PSMB2: variants seen among roughly 807,000 people sequenced by gnomAD.
PSMB2 encodes the protein proteasome subunit beta type-2.
PSMB2 carries 13 observed loss-of-function variants against 25.7 expected under a neutral mutation model. The observed-to-expected ratio is 0.51, with a 90% CI of 0.33 to 0.80. PSMB2 has a LOEUF of 0.80. Among genes scored for constraint, PSMB2 ranks in the 30% least tolerant of loss-of-function variants. The pLI is 0.02. For missense variants in PSMB2, 202 were observed against 259.0 expected (o/e 0.78, Z 1.51); for synonymous variants, 87 against 96.2 (o/e 0.90, Z 0.56).
Position 35,641,488 on chromosome 1 carries a change from C to T in PSMB2, c.-56G>A. 6.2e-7 allele frequency: 1 copy of T among 1,610,698 alleles called. No individual in the cohort carries two copies. The highest frequency in any genetic ancestry group is 8.5e-7 in the Non-Finnish European group (1 of 1,178,190). On this transcript the variant is annotated 5_prime_UTR_variant, in exon 1 of 6. Coordinates refer to ENST00000373237, the MANE Select transcript of PSMB2 (RefSeq NM_002794.5). ...ACACAGCACGAGACTCGCCCGCTTC[C>T]AGGTCTCACCGGTGAGACAGCACCT...
chr1:35,641,020 C>T (rs1443872859), intron 1 of PSMB2, among the ~76,000 whole-genome samples: 1 of 140,118 alleles, frequency 7.1e-6, no homozygotes, highest in East Asian at 2.0e-4. Flanking sequence ...GAGAAATCCA[C>T]ATCTCTACTA....
At chr1:35,625,960 CTGAG>C (rs961709314) in intron 3 of PSMB2, among the ~76,000 whole-genome samples, 2 of 151,860 alleles carry the variant, frequency 1.3e-5, no homozygotes, top group African/African-American at 4.8e-5. Context: ...CGTCAGCCTC[CTGAG>C]TAACTGGGAT....
intron 3 of PSMB2, among the ~76,000 whole-genome samples, chr1:35,628,595 AAATATATAT>A (rs1405754173): frequency 3.8e-3 from 46 of 12,060 alleles, no homozygotes; most frequent in South Asian, 0.019. Context: ...AAAAAAAAAA[AAATATATAT>A]ATATATATAT....
chr1:35,609,788 T>C (rs998769159), intron 3 of PSMB2, among the ~76,000 whole-genome samples: 9 of 152,174 alleles, frequency 5.9e-5, no homozygotes, highest in African/African-American at 2.2e-4. Flanking sequence ...AGAGTATAAT[T>C]GGGTTGTCTG....
At chr1:35,611,014 C>T (rs1014934742) in intron 3 of PSMB2, among the ~76,000 whole-genome samples, 18 of 152,220 alleles carry the variant, frequency 1.2e-4, no homozygotes, top group South Asian at 6.2e-4. Context: ...CCAGCTGCGC[C>T]ATTTACCATG....
At chr1:35,628,631 A>ATATATATATTTTTTTT (rs1202256440) in intron 3 of PSMB2, among the ~76,000 whole-genome samples, 1 of 38,088 alleles carries the variant, frequency 2.6e-5, no homozygotes, top group African/African-American at 1.3e-4. Flanking sequence ...ATATATATAT[A>ATATATATATTTTTTTT]TTTTTTTTTT....
At chr1:35,626,899 A>AT (rs896884857) in intron 3 of PSMB2, among the ~76,000 whole-genome samples, 73 of 148,836 alleles carry the variant, frequency 4.9e-4, no homozygotes, top group South Asian at 1.9e-3. Context: ...GAGGAACAGA[A>AT]TTTTTTTTTT....
chr1:35,638,982 G>C (rs191052456), intron 1 of PSMB2, among the ~76,000 whole-genome samples: 1 of 152,284 alleles, frequency 6.6e-6, no homozygotes, highest in East Asian at 1.9e-4. Flanking sequence ...GGCTGGGCAC[G>C]GTGGCTCACG....
chr1:35,636,232 A>T, intron 2 of PSMB2, 78 bp downstream of exon 2: 2 of 1,548,476 alleles, frequency 1.3e-6, no homozygotes, highest in Admixed American at 3.5e-5. Context: ...TCTGTTGTTT[A>T]AGCCACCCAG....
intron 5 of PSMB2, among the ~76,000 whole-genome samples, chr1:35,604,601 G>A (rs1650106227): frequency 2.6e-5 from 4 of 152,138 alleles, no homozygotes; most frequent in Non-Finnish European, 5.9e-5. Context: ...CCAACATGGT[G>A]AAACCCTGTC....
intron 3 of PSMB2, among the ~76,000 whole-genome samples, chr1:35,618,554 C>G (rs1650574028): frequency 6.6e-6 from 1 of 151,988 alleles, no homozygotes; most frequent in Non-Finnish European, 1.5e-5. Context: ...GGAGCAAATA[C>G]AGAAAAAACT....
At chr1:35,610,525 G>A (rs1304672673) in intron 3 of PSMB2, among the ~76,000 whole-genome samples, 1 of 152,078 alleles carries the variant, frequency 6.6e-6, no homozygotes, top group Non-Finnish European at 1.5e-5. Flanking sequence ...GACGGAGTCT[G>A]GCTCTTGTCC....
At position 35,636,491 on chromosome 1, in the gene PSMB2, T is replaced by G. The variant is rs1180116001; in HGVS notation, c.92-59A>C. The G allele has an allele frequency of 1.9e-6, 3 of 1,586,852 alleles. No homozygotes were observed. The African/African-American group carries it at 4.1e-5, about 22-fold the overall frequency. On this transcript the variant is annotated intron_variant, in intron 1 of 5. Coordinates refer to ENST00000373237, the MANE Select transcript of PSMB2 (RefSeq NM_002794.5). ...CTTAACAGACATTGACCGTCATTAT[T>G]TATGTAACCATAAACAGGTTTATTA...
intron 4 of PSMB2, 52 bp downstream of exon 4, chr1:35,609,193 CA>C (rs1650258361): frequency 7.1e-7 from 1 of 1,406,536 alleles, no homozygotes. Flanking sequence ...ACCTGGGAAG[CA>C]GCTGAGGGCA....
rs1387057634 is a variant in PSMB2 at position 35,602,840 on chromosome 1, G to A, written c.*427C>T. ...CTACATGTTTTTGTACTGTTTGCAT[G>A]TTACATTAAGTGCATGTATTATTAA... is the stretch of plus-strand genomic sequence containing the variant. On this transcript the variant is annotated 3_prime_UTR_variant, in exon 6 of 6. Coordinates refer to ENST00000373237, the MANE Select transcript of PSMB2 (RefSeq NM_002794.5). 1.2e-6 allele frequency: 1 copy of A among 847,620 alleles called. No individual in the cohort carries two copies. Among genetic ancestry groups the A allele is most frequent in the Non-Finnish European group, 1.4e-6 (1 of 701,932 alleles). 52.5% of individuals were successfully genotyped at this position (847,620 alleles called of 1,614,324 possible).
chr1:35,622,466 G>A (rs957856700), intron 3 of PSMB2, among the ~76,000 whole-genome samples: 5 of 152,096 alleles, frequency 3.3e-5, no homozygotes, highest in African/African-American at 1.2e-4. Flanking sequence ...ACCTTAATAG[G>A]AAATCACAAA....
chr1:35,623,472 A>G (rs1650754827), intron 3 of PSMB2, among the ~76,000 whole-genome samples: 1 of 152,174 alleles, frequency 6.6e-6, no homozygotes, highest in Admixed American at 6.5e-5. Flanking sequence ...TTCGTTTTTT[A>G]TTTTTGAATT....
rs771324906 is a variant in PSMB2, at chr1:35,600,614, C to A, written c.*2653G>T. The A allele has an allele frequency of 9.1e-6, 9 of 985,356 alleles. No individual in the cohort carries two copies. Among genetic ancestry groups the A allele is most frequent in the African/African-American group, 1.7e-5 (1 of 57,354 alleles). The allele number at this position is 985,356 out of a possible 1,614,324, so 61.0% of individuals were successfully genotyped here. A position where few individuals can be genotyped will look rare whatever the true frequency, so the allele number is the denominator to read the frequency against. On this transcript the variant is annotated 3_prime_UTR_variant, in exon 6 of 6. Coordinates refer to ENST00000373237, the MANE Select transcript of PSMB2 (RefSeq NM_002794.5). ...GTCATAGAGGCGGTTTGGAGAGGGG[C>A]AGATGGTAAGGCTCAGCTTTAGACA...
chr1:35,600,809 A>G lies in PSMB2; in HGVS notation c.*2458T>C. The G allele has an allele frequency of 2.0e-6, 2 of 985,460 alleles. No individual in the cohort carries two copies. The highest frequency in any genetic ancestry group is 2.4e-6 in the Non-Finnish European group (2 of 829,942). 61.0% of individuals were successfully genotyped at this position (985,460 alleles called of 1,614,324 possible). ...CTTACATTCAAAGGCAGAGAACCGT[A>G]TGTCATCCCTGGTGAGGCCTGAATG... On this transcript the variant is annotated 3_prime_UTR_variant, in exon 6 of 6. Coordinates refer to ENST00000373237, the MANE Select transcript of PSMB2 (RefSeq NM_002794.5).
Sources: allele counts gnomAD v4.1 joint callset (sites outside exome capture counted in the v4.1 genomes callset), GRCh38; gene constraint gnomAD v4.1.1; transcripts MANE v1.5; gene names NCBI Gene and HGNC (gene_info 2026-07-23, HGNC 2026-07-21).